Variants in SLCO5A1 observed in about 807,000 individuals in gnomAD.
SLCO5A1 encodes organic anion transporter polypeptide-related protein 4.
SLCO5A1 carries 39 observed loss-of-function variants against 65.1 expected under a neutral mutation model. The ratio of observed to expected loss-of-function variants is 0.60; its 90% CI spans 0.46 to 0.78. SLCO5A1 has a LOEUF of 0.78. Among genes scored for constraint, SLCO5A1 ranks in the 30% least tolerant of loss-of-function variants. SLCO5A1 has a pLI of 0.00. For synonymous variants in SLCO5A1, 438 were observed against 415.7 expected (o/e 1.05, Z -0.65); for missense variants, 1,029 against 1,069.4 (o/e 0.96, Z 0.53).
intron 5 of SLCO5A1, among the ~76,000 whole-genome samples, chr8:69,715,200 A>G (rs1037888603): frequency 4.6e-5 from 7 of 152,234 alleles, no homozygotes; most frequent in Non-Finnish European, 1.5e-5. Flanking sequence ...GTGCTGGGAA[A>G]CTGAAGGTGA....
At chr8:69,701,114 T>C (rs13250651) in intron 6 of SLCO5A1, among the ~76,000 whole-genome samples, 16,955 of 152,114 alleles carry the variant, frequency 0.11, 1,184 homozygotes, top group Non-Finnish European at 0.16. Context: ...GAAATGGAAC[T>C]CTGAGCTCAT....
chr8:69,742,791 A>ATTTT (rs1816842285), intron 4 of SLCO5A1, among the ~76,000 whole-genome samples: 7 of 80,902 alleles, frequency 8.7e-5, no homozygotes, highest in African/African-American at 4.0e-4. Context: ...GTGTGAGTGG[A>ATTTT]TTCTTTTTTT....
At chr8:69,778,045 T>C (rs1228138645) in intron 2 of SLCO5A1, among the ~76,000 whole-genome samples, 1 of 151,326 alleles carries the variant, frequency 6.6e-6, no homozygotes, top group East Asian at 1.9e-4. Flanking sequence ...ATTTTATTAT[T>C]GTTGTTGTTA....
chr8:69,713,167 A>C (rs1815349142), intron 5 of SLCO5A1, among the ~76,000 whole-genome samples: 1 of 152,238 alleles, frequency 6.6e-6, no homozygotes. Context: ...AACCATGGTG[A>C]CTTAAATTAA....
chr8:69,684,822 A>G (rs1326993345), intron 6 of SLCO5A1, among the ~76,000 whole-genome samples: 1 of 151,940 alleles, frequency 6.6e-6, no homozygotes. Flanking sequence ...CTGAGACCCA[A>G]TTTTGAGGTT....
Position 69,832,298 on chromosome 8 carries a change from C to T in SLCO5A1, c.376G>A (p.Asp126Asn). The T allele has an allele frequency of 1.9e-6, 3 of 1,614,208 alleles. No homozygotes were observed. In the South Asian group the frequency reaches 3.3e-5, roughly 18 times the overall value. The stretch of plus-strand genomic sequence containing the variant: ...ATGCACACCAGGAAGCAACGGGAAT[C>T]CGTGAGGACCACGTAGAGGCACCTT... ...ERRCLYVVLTDSRCFLVCMCF... is the reference protein window; with the variant it reads ...ERRCLYVVLTNSRCFLVCMCF... Residue 126 changes from aspartate (D) to asparagine (N), a missense_variant, in exon 2 of 10, where the codon GAT (aspartate) becomes AAT (asparagine). By Grantham distance (23) the Asp-to-Asn change is conservative. This residue lies in a region of SLCO5A1 where 647 missense variants were observed against 647.5 expected (regional missense o/e 1.00). Coordinates refer to ENST00000260126, the MANE Select transcript of SLCO5A1 (RefSeq NM_030958.3). The surrounding 1 kb of genome is among the most constrained non-coding windows in gnomAD (Gnocchi z 4.5).
In SLCO5A1 at chr8:69,823,526, A is replaced by C. The variant is rs551426792; in HGVS notation, c.907+8241T>G. Among the ~76,000 whole-genome samples, 46 of 152,334 alleles carry C rather than the reference A, an allele frequency of 3.0e-4. 1 individual carries two copies. The highest frequency in any genetic ancestry group is 1.0e-3 in the African/African-American group (43 of 41,570). On this transcript the variant is annotated intron_variant, in intron 2 of 9. Coordinates refer to ENST00000260126, the MANE Select transcript of SLCO5A1 (RefSeq NM_030958.3). ...AACCAGCAAAGATCAAAAGAGACAAAGAAGGCCATTACATAATGGTAAAGG... is the reference window on the plus strand; with the variant it reads ...AACCAGCAAAGATCAAAAGAGACAACGAAGGCCATTACATAATGGTAAAGG...
chr8:69,759,154 C>A (rs572098353), intron 3 of SLCO5A1, among the ~76,000 whole-genome samples: 1 of 151,870 alleles, frequency 6.6e-6, no homozygotes, highest in Admixed American at 6.6e-5. Context: ...CCTTCCTTCT[C>A]CCTTTCAGCA....
At chr8:69,773,397 G>A (rs572792715) in intron 2 of SLCO5A1, among the ~76,000 whole-genome samples, 8 of 152,252 alleles carry the variant, frequency 5.3e-5, no homozygotes, top group African/African-American at 1.7e-4. Context: ...GAGTCCAGGC[G>A]CTCATCCTCG....
intron 2 of SLCO5A1, among the ~76,000 whole-genome samples, chr8:69,827,204 G>A (rs1820961093): frequency 6.6e-6 from 1 of 150,396 alleles, no homozygotes; most frequent in South Asian, 2.1e-4. Flanking sequence ...GCTAAATGAC[G>A]AGTTAATGGG....
At chr8:69,762,178 CTTTCTTTCTTTCTTTCTTTCTTT>C (rs1817819593) in intron 2 of SLCO5A1, among the ~76,000 whole-genome samples, 1 of 60,856 alleles carries the variant, frequency 1.6e-5, no homozygotes, top group African/African-American at 5.3e-5. Context: ...TTCTTTCTTT[CTTTCTTTCTTTCTTTCTTTCTTT>C]TTTGAGACAG....
At chr8:69,692,204 G>A (rs1055460572) in intron 6 of SLCO5A1, among the ~76,000 whole-genome samples, 6 of 152,306 alleles carry the variant, frequency 3.9e-5, no homozygotes, top group Admixed American at 3.3e-4. Flanking sequence ...AGCCAAGATC[G>A]TGCCACTGCA....
At chr8:69,824,648 C>A (rs886319096) in intron 2 of SLCO5A1, among the ~76,000 whole-genome samples, 6 of 152,024 alleles carry the variant, frequency 3.9e-5, no homozygotes, top group African/African-American at 1.4e-4. Flanking sequence ...GCCTACCAAC[C>A]AAAAAGAGTC....
intron 2 of SLCO5A1, among the ~76,000 whole-genome samples, chr8:69,805,282 C>G (rs1041950402): frequency 2.0e-5 from 3 of 152,042 alleles, no homozygotes; most frequent in African/African-American, 7.2e-5. Context: ...ACAGGGAAAT[C>G]CCAATGGCCA....
intron 5 of SLCO5A1, among the ~76,000 whole-genome samples, chr8:69,736,225 C>G (rs1816546400): frequency 6.6e-6 from 1 of 152,228 alleles, no homozygotes; most frequent in Non-Finnish European, 1.5e-5. Flanking sequence ...TGGCCACTGC[C>G]TCAACCACAC....
intron 2 of SLCO5A1, among the ~76,000 whole-genome samples, chr8:69,782,018 A>G (rs1403149213): frequency 6.6e-6 from 1 of 152,146 alleles, no homozygotes; most frequent in African/African-American, 2.4e-5. Flanking sequence ...AATATAATAA[A>G]TTCATCTGAA....
chr8:69,701,396 G>C (rs1453798148), intron 6 of SLCO5A1, among the ~76,000 whole-genome samples: 2 of 152,096 alleles, frequency 1.3e-5, no homozygotes, highest in African/African-American at 4.8e-5. Context: ...ATGGGAAGTG[G>C]GGAGTCTGGC....
intron 2 of SLCO5A1, among the ~76,000 whole-genome samples, chr8:69,817,522 A>G (rs1290503943): frequency 6.6e-6 from 1 of 152,238 alleles, no homozygotes; most frequent in Non-Finnish European, 1.5e-5. Flanking sequence ...TTGTTGGATC[A>G]TATGATAACT....
chr8:69,772,532 A>T (rs1454571719), intron 2 of SLCO5A1, among the ~76,000 whole-genome samples: 1 of 149,396 alleles, frequency 6.7e-6, no homozygotes, highest in Admixed American at 6.7e-5. Context: ...AAAAAAGAAA[A>T]GAAAAAAAAG....
Sources: gnomAD v4.1 joint callset for allele counts (sites outside exome capture counted in the v4.1 genomes callset) on GRCh38, gnomAD v4.1.1 for gene constraint, gnomAD v4.1.1 regional missense constraint, Gnocchi (gnomAD v3.1) non-coding constraint, MANE v1.5 for transcripts, NCBI Gene and HGNC (gene_info 2026-07-23, HGNC 2026-07-21) for gene names.